The following ABCA12 variants were observed in gnomAD, a reference collection of about 807,000 sequenced individuals.
ABCA12 encodes the protein ATP binding cassette subfamily A member 12.
ABCA12 carries 156 observed loss-of-function variants against 293.5 expected under a neutral mutation model. The ratio of observed to expected loss-of-function variants is 0.53; its 90% CI spans 0.47 to 0.61. The LOEUF is 0.61. Ranked by LOEUF, ABCA12 falls within the 20% of genes least tolerant of loss-of-function variation. The pLI, the probability that ABCA12 is intolerant of heterozygous loss-of-function variation, is 0.00. For synonymous variants in ABCA12, 1,063 were observed against 1,108.0 expected, an observed-to-expected ratio of 0.96 and a Z score of 0.81; for missense variants, 2,797 against 3,090.2, an observed-to-expected ratio of 0.91 and a Z score of 2.25.
At chr2:214,935,507 G>A (rs1199127363) in intron 51 of ABCA12, among the ~76,000 whole-genome samples, 2 of 152,190 alleles carry the variant, frequency 1.3e-5, no homozygotes, top group African/African-American at 4.8e-5. Context: ...TAAGAATCCT[G>A]AAAGCTAGGC....
chr2:215,000,343 C>T (rs1193742045), intron 22 of ABCA12, among the ~76,000 whole-genome samples: 3 of 152,116 alleles, frequency 2.0e-5, no homozygotes, highest in Non-Finnish European at 2.9e-5. Context: ...ATTTTAAGAT[C>T]GTCTTGTTCA....
chr2:215,133,254 A>G (rs1703102946), intron 1 of ABCA12, among the ~76,000 whole-genome samples: 1 of 138,026 alleles, frequency 7.2e-6, no homozygotes, highest in Admixed American at 8.4e-5. Flanking sequence ...ATGAACTCTC[A>G]CAAGTGTTCT....
chr2:215,055,286 G>A (rs754223649), intron 3 of ABCA12, among the ~76,000 whole-genome samples: 3 of 152,014 alleles, frequency 2.0e-5, no homozygotes, highest in Non-Finnish European at 4.4e-5. Context: ...ACATTGTGGT[G>A]CCAGGAATCC....
At chr2:215,106,669 C>A (rs563850253) in intron 2 of ABCA12, among the ~76,000 whole-genome samples, 9 of 149,200 alleles carry the variant, frequency 6.0e-5, no homozygotes, top group African/African-American at 2.0e-4. Flanking sequence ...GTGTCTGACA[C>A]ATAGCAAAGT....
intron 5 of ABCA12, among the ~76,000 whole-genome samples, chr2:215,050,579 C>G (rs1015590992): frequency 3.3e-5 from 5 of 152,010 alleles, no homozygotes; most frequent in Non-Finnish European, 7.4e-5. Flanking sequence ...CTTAAGGGGT[C>G]CATCTTAATA....
In ABCA12 at chr2:215,049,645, A is replaced by C. The variant is rs753476988; in HGVS notation, c.674T>G (p.Leu225Arg). ...MTLLESSLQE[L>R]NKQFSQLSSD... ...ACTCACCTGGGAGAACTGTTTGTTT[A>C]GTTCTTGGAGAGAAGACTCTAAAAG... Residue 225 changes from leucine to arginine, a missense_variant, in exon 6 of 53, where the codon CTA becomes CGA. Physicochemically the swap from Leu to Arg is moderately radical, Grantham distance 102 (BLOSUM62 -2). Transcript: ENST00000272895. 41 of 1,613,300 alleles carry C rather than the reference A, an allele frequency of 2.5e-5. No individual in the cohort carries two copies. Among genetic ancestry groups the C allele is most frequent in the Non-Finnish European group, 3.4e-5 (40 of 1,179,572 alleles).
At chr2:214,953,551 A>G (rs1206360631) in intron 44 of ABCA12, among the ~76,000 whole-genome samples, 2 of 152,180 alleles carry the variant, frequency 1.3e-5, no homozygotes, top group African/African-American at 2.4e-5. Flanking sequence ...CTCAAAGACT[A>G]CATCTTTTGT....
At chr2:215,025,824 C>A in intron 10 of ABCA12, 45 bp from the exon 11 acceptor site, 1 of 1,411,812 alleles carries the variant, frequency 7.1e-7, no homozygotes, top group South Asian at 1.2e-5. Flanking sequence ...ATTGCAAGGT[C>A]ATTTAGGAAA....
At chr2:215,047,782 T>A (rs1277982110) in intron 6 of ABCA12, among the ~76,000 whole-genome samples, 1 of 152,040 alleles carries the variant, frequency 6.6e-6, no homozygotes, top group East Asian at 1.9e-4. Context: ...ATGACAAAGA[T>A]GCCAAAAGCA....
At chr2:214,985,117 C>T (rs1016200659) in intron 28 of ABCA12, among the ~76,000 whole-genome samples, 1 of 152,168 alleles carries the variant, frequency 6.6e-6, no homozygotes, top group Admixed American at 6.5e-5. Flanking sequence ...CATATGAACA[C>T]TGAAATACAA....
At chr2:215,021,744 A>G (rs1237559195) in intron 11 of ABCA12, among the ~76,000 whole-genome samples, 2 of 151,400 alleles carry the variant, frequency 1.3e-5, no homozygotes, top group Non-Finnish European at 2.9e-5. Context: ...CAAATAAGAA[A>G]GGCACAATGA....
chr2:215,052,649 G>A (rs1318099862), intron 4 of ABCA12, 65 bp from the exon 5 acceptor site: 1 of 1,337,934 alleles, frequency 7.5e-7, no homozygotes, highest in Non-Finnish European at 1.1e-6. Context: ...AGGACCACAT[G>A]AGAATCCATA....
At chr2:215,132,509 T>TA (rs1249456336) in intron 1 of ABCA12, among the ~76,000 whole-genome samples, 1 of 151,698 alleles carries the variant, frequency 6.6e-6, no homozygotes, top group Non-Finnish European at 1.5e-5. Flanking sequence ...CTTTTTTTTT[T>TA]AACTGTTGTT....
chr2:214,977,985 C>T (rs992681812), intron 33 of ABCA12, among the ~76,000 whole-genome samples: 14 of 151,662 alleles, frequency 9.2e-5, no homozygotes, highest in South Asian at 2.1e-4. Flanking sequence ...TTGTTAGCCC[C>T]GATTACAAGA....
chr2:214,974,011 A>G lies in ABCA12; in HGVS notation c.5500T>C (p.Trp1834Arg). Reference sequence around the variant, plus strand: ...GTGATGGGTTCTCCACTGGTGTTCCATTTTTCCAGACTGTCTTTGTTTAAA... The same window carrying G: ...GTGATGGGTTCTCCACTGGTGTTCCGTTTTTCCAGACTGTCTTTGTTTAAA... ...QCLNKDSLEK[W>R]NTSGEPITNF... is the part of the protein sequence containing the mutation. The change falls in exon 36 of 53, where the codon TGG (tryptophan) becomes CGG (arginine). Residue 1834 changes from tryptophan (W) to arginine (R), a missense_variant. This residue lies in a region of ABCA12 where 2,130 missense variants were observed against 2,427.0 expected (regional missense o/e 0.88). Transcript: ENST00000272895. 8 of 1,614,010 alleles carry G rather than the reference A, an allele frequency of 5.0e-6. No homozygotes were observed. Among genetic ancestry groups the G allele is most frequent in the Non-Finnish European group, 6.8e-6 (8 of 1,179,934 alleles).
intron 5 of ABCA12, among the ~76,000 whole-genome samples, chr2:215,051,105 TAAAGA>T (rs916446123): frequency 1.6e-4 from 24 of 152,148 alleles, no homozygotes; most frequent in African/African-American, 5.8e-4. Flanking sequence ...TTCTAGATAT[TAAAGA>T]ATTTATCTGA....
chr2:214,994,545 G>A (rs1441685547), intron 23 of ABCA12, among the ~76,000 whole-genome samples: 2 of 152,202 alleles, frequency 1.3e-5, no homozygotes, highest in African/African-American at 4.8e-5. Context: ...TTACTTGAGA[G>A]CAATGTCTTC....
In ABCA12 at chr2:215,138,269, T is replaced by G. The variant is rs1308123837; in HGVS notation, c.-61A>C. 18 of 1,561,312 alleles carry G rather than the reference T, an allele frequency of 1.2e-5. No individual in the cohort carries two copies. The highest frequency in any genetic ancestry group is 1.6e-5 in the Non-Finnish European group (18 of 1,132,070). On this transcript the variant is annotated 5_prime_UTR_variant, in exon 1 of 53. Transcript: ENST00000272895. The stretch of plus-strand genomic sequence containing the variant: ...TTTCTCCACTCCACAAATGAAGAAC[T>G]GATGCCCCGTCCAACTTGCTGTATG...
chr2:215,096,907 T>A (rs1200329690), intron 2 of ABCA12, among the ~76,000 whole-genome samples: 1 of 152,158 alleles, frequency 6.6e-6, no homozygotes, highest in Non-Finnish European at 1.5e-5. Context: ...CAAACTCATT[T>A]CCCAGTAGAA....
Sources: gnomAD v4.1 joint callset for allele counts (sites outside exome capture counted in the v4.1 genomes callset) on GRCh38, gnomAD v4.1.1 for gene constraint, gnomAD v4.1.1 regional missense constraint, MANE v1.5 for transcripts, NCBI Gene and HGNC (gene_info 2026-07-23, HGNC 2026-07-21) for gene names.